CDH8: variants seen among roughly 807,000 people sequenced by gnomAD.
CDH8 encodes cadherin-8.
In CDH8, 17 loss-of-function variants were observed where a neutral mutation model predicts 68.1. The ratio of observed to expected loss-of-function variants is 0.25; its 90% CI spans 0.17 to 0.37. The LOEUF is 0.37. Among genes scored for constraint, CDH8 ranks in the 10% least tolerant of loss-of-function variants. CDH8 has a pLI of 1.00. For missense variants in CDH8, 763 were observed against 999.3 expected, an observed-to-expected ratio of 0.76 and a Z score of 3.19; for synonymous variants, 372 against 365.1, an observed-to-expected ratio of 1.02 and a Z score of -0.21.
chr16:61,818,456 A>G (rs1392318096), intron 6 of CDH8, among the ~76,000 whole-genome samples: 1 of 152,144 alleles, frequency 6.6e-6, no homozygotes, highest in African/African-American at 2.4e-5. Context: ...GAGCAGTATA[A>G]ATAGATAACT....
At position 61,655,636 on chromosome 16, in the gene CDH8, A is replaced by G; in HGVS notation, c.1740T>C (p.Asp580=). The G allele has an allele frequency of 6.2e-7, 1 of 1,613,692 alleles. No homozygotes were observed. The highest frequency in any genetic ancestry group is 8.5e-7 in the Non-Finnish European group (1 of 1,179,548). The change falls in exon 11 of 12, where the codon GAT becomes GAC. Residue 580 remains aspartate, a synonymous_variant. Coordinates refer to ENST00000577390, the MANE Select transcript of CDH8 (RefSeq NM_001796.5). Reference sequence around the variant, plus strand: ...TGCTGCTCAGTGGAGGATTTCCACTATCACTGATTATGATTGGTAAAAGAT... The same window carrying G: ...TGCTGCTCAGTGGAGGATTTCCACTGTCACTGATTATGATTGGTAAAAGAT... ...EVYLLPIIIS[D]SGNPPLSSTS...
At position 61,774,383 on chromosome 16, in the gene CDH8, G is replaced by A. The variant is rs529046690; in HGVS notation, c.1414+14963C>T. 2.7e-5 allele frequency among the ~76,000 whole-genome samples: 4 copies of A among 149,718 alleles called. No homozygotes were observed. The South Asian group carries it at 8.4e-4, about 32-fold the overall frequency. ...GTGGGGATCCTTCCCTGTGAACACA[G>A]TCAGTGCCCCACAATTTTTCTACAA... On this transcript the variant is annotated intron_variant, in intron 8 of 11. Coordinates refer to ENST00000577390, the MANE Select transcript of CDH8 (RefSeq NM_001796.5).
At chr16:61,804,727 G>C (rs1961756770) in intron 7 of CDH8, among the ~76,000 whole-genome samples, 1 of 148,084 alleles carries the variant, frequency 6.8e-6, no homozygotes, top group Admixed American at 7.0e-5. Context: ...AGAAGAAATG[G>C]ATACATTCCT....
At chr16:61,955,833 G>A (rs1475120671) in intron 2 of CDH8, among the ~76,000 whole-genome samples, 1 of 152,050 alleles carries the variant, frequency 6.6e-6, no homozygotes, top group Non-Finnish European at 1.5e-5. Flanking sequence ...TCTCTCCATG[G>A]CAAATGTTTA....
intron 10 of CDH8, among the ~76,000 whole-genome samples, chr16:61,660,512 G>A (rs1234544324): frequency 1.3e-5 from 2 of 151,864 alleles, no homozygotes; most frequent in Non-Finnish European, 2.9e-5. Context: ...GAGTGTACTA[G>A]GGGAAGAGAA....
intron 10 of CDH8, among the ~76,000 whole-genome samples, chr16:61,669,694 C>T (rs1459165405): frequency 6.6e-6 from 1 of 151,946 alleles, no homozygotes; most frequent in African/African-American, 2.4e-5. Flanking sequence ...CACTGTGGTC[C>T]GCTATGCCAT....
chr16:61,732,397 G>A lies in CDH8; in HGVS notation c.1415-5182C>T, dbSNP rs1238882714. ...CAAACAAACAAAAACTAATCACCAG[G>A]GAACCCCAATAAAAATAGCAGCTAA... On this transcript the variant is annotated intron_variant, in intron 8 of 11. Coordinates refer to ENST00000577390, the MANE Select transcript of CDH8 (RefSeq NM_001796.5). Among the ~76,000 whole-genome samples the A allele has an allele frequency of 5.9e-5, 9 of 151,562 alleles. No homozygotes were observed. In the Admixed American group the frequency reaches 5.9e-4, roughly 10 times the overall value.
chr16:61,655,770 T>A (rs1963432907), intron 10 of CDH8, 49 bp from the exon 11 acceptor site: 1 of 1,533,616 alleles, frequency 6.5e-7, no homozygotes, highest in African/African-American at 1.4e-5. Context: ...AAAATGACTC[T>A]CCAAATAACA....
intron 3 of CDH8, among the ~76,000 whole-genome samples, chr16:61,886,100 C>T (rs1420683701): frequency 6.6e-6 from 1 of 152,116 alleles, no homozygotes; most frequent in African/African-American, 2.4e-5. Context: ...AAGGATTTAA[C>T]GTTTCAGCTC....
At chr16:61,840,609 T>C (rs1962664074) in intron 4 of CDH8, among the ~76,000 whole-genome samples, 1 of 152,194 alleles carries the variant, frequency 6.6e-6, no homozygotes, top group African/African-American at 2.4e-5. Flanking sequence ...AACAAGATGA[T>C]GTCTTTTACA....
intron 2 of CDH8, among the ~76,000 whole-genome samples, chr16:61,924,427 A>T (rs1028152123): frequency 2.0e-5 from 3 of 152,192 alleles, no homozygotes; most frequent in African/African-American, 7.2e-5. Flanking sequence ...ACAGAGTTAA[A>T]TATCAGGCCA....
At chr16:61,663,735 C>T (rs576135673) in intron 10 of CDH8, among the ~76,000 whole-genome samples, 25 of 152,154 alleles carry the variant, frequency 1.6e-4, no homozygotes, top group Non-Finnish European at 2.6e-4. Context: ...ACATACCTAA[C>T]TACCTATCTA....
chr16:61,797,697 C>A (rs1298946916), intron 7 of CDH8, among the ~76,000 whole-genome samples: 1 of 152,006 alleles, frequency 6.6e-6, no homozygotes, highest in Non-Finnish European at 1.5e-5. Flanking sequence ...ATGACACTGC[C>A]AAATATCCAG....
chr16:61,817,419 A>AT, intron 7 of CDH8, 60 bp downstream of exon 7: 1 of 1,571,334 alleles, frequency 6.4e-7, no homozygotes, highest in Non-Finnish European at 8.8e-7. Context: ...AAGCAAAGGC[A>AT]TTTTTCACTG....
intron 10 of CDH8, among the ~76,000 whole-genome samples, chr16:61,699,774 C>T (rs968558246): frequency 1.3e-5 from 2 of 152,078 alleles, no homozygotes; most frequent in Non-Finnish European, 2.9e-5. Context: ...GGGGGTTTCA[C>T]CATGTTGGCC....
chr16:61,860,807 T>C (rs1244498688), intron 3 of CDH8, among the ~76,000 whole-genome samples: 1 of 152,302 alleles, frequency 6.6e-6, no homozygotes, highest in East Asian at 1.9e-4. Flanking sequence ...AGGAAATGCC[T>C]TCACAGAGAA....
intron 8 of CDH8, among the ~76,000 whole-genome samples, chr16:61,782,939 A>C (rs1961121848): frequency 6.6e-6 from 1 of 152,018 alleles, no homozygotes; most frequent in Non-Finnish European, 1.5e-5. Flanking sequence ...CTATCTGTAC[A>C]TCACCATCAT....
At chr16:61,884,769 A>G (rs780965534) in intron 3 of CDH8, among the ~76,000 whole-genome samples, 2 of 152,204 alleles carry the variant, frequency 1.3e-5, no homozygotes, top group Non-Finnish European at 2.9e-5. Flanking sequence ...CCATGTGTCA[A>G]TTAACTGCTT....
chr16:61,898,622 T>G (rs1262812028), intron 3 of CDH8, among the ~76,000 whole-genome samples: 2 of 152,180 alleles, frequency 1.3e-5, no homozygotes, highest in African/African-American at 4.8e-5. Flanking sequence ...AGCACACTAT[T>G]TGGAAAATTA....
Sources: allele counts gnomAD v4.1 joint callset (sites outside exome capture counted in the v4.1 genomes callset), GRCh38; gene constraint gnomAD v4.1.1; transcripts MANE v1.5; gene names NCBI Gene and HGNC (gene_info 2026-07-23, HGNC 2026-07-21).